Variants in GRIK2 observed in about 807,000 individuals in gnomAD.
GRIK2 encodes glutamate ionotropic receptor kainate type subunit 2.
GRIK2 carries 32 observed loss-of-function variants against 100.3 expected under a neutral mutation model. The observed-to-expected ratio is 0.32, with a 90% CI of 0.24 to 0.43. The LOEUF is 0.43. Among genes scored for constraint, GRIK2 ranks in the 20% least tolerant of loss-of-function variants. GRIK2 has a pLI of 1.00. For synonymous variants in GRIK2, 417 were observed against 389.4 expected, an observed-to-expected ratio of 1.07 and a Z score of -0.83; for missense variants, 843 against 1,114.9, an observed-to-expected ratio of 0.76 and a Z score of 3.47.
intron 14 of GRIK2, among the ~76,000 whole-genome samples, chr6:101,936,796 G>A (rs1292763506): frequency 1.3e-5 from 2 of 152,164 alleles, no homozygotes; most frequent in African/African-American, 4.8e-5. Flanking sequence ...GAAAGCATAT[G>A]AGTCAAAGAC....
At chr6:101,475,757 C>T (rs1031342593) in intron 2 of GRIK2, among the ~76,000 whole-genome samples, 3 of 151,904 alleles carry the variant, frequency 2.0e-5, no homozygotes, top group Admixed American at 2.0e-4. Flanking sequence ...AAAGTTTATA[C>T]AGCCTCAGAA....
At chr6:101,949,941 C>A (rs1791510575) in intron 14 of GRIK2, among the ~76,000 whole-genome samples, 1 of 152,126 alleles carries the variant, frequency 6.6e-6, no homozygotes, top group Non-Finnish European at 1.5e-5. Flanking sequence ...ACACTGTCTT[C>A]ATCTTTTTGA....
At chr6:101,741,329 C>A (rs978462121) in intron 7 of GRIK2, among the ~76,000 whole-genome samples, 6 of 152,122 alleles carry the variant, frequency 3.9e-5, no homozygotes, top group African/African-American at 1.4e-4. Context: ...TGTTGAAATC[C>A]AGATACACTT....
intron 7 of GRIK2, among the ~76,000 whole-genome samples, chr6:101,727,016 T>C (rs1774917453): frequency 6.6e-6 from 1 of 152,098 alleles, no homozygotes; most frequent in Non-Finnish European, 1.5e-5. Context: ...TGCCCTAACT[T>C]GCATTTTTCT....
At chr6:102,004,852 C>G (rs1357364068) in intron 14 of GRIK2, among the ~76,000 whole-genome samples, 1 of 151,676 alleles carries the variant, frequency 6.6e-6, no homozygotes, top group Non-Finnish European at 1.5e-5. Context: ...CCACCTTTCT[C>G]CAGTGCATTT....
At chr6:101,629,252 G>A (rs1780599713) in intron 4 of GRIK2, among the ~76,000 whole-genome samples, 3 of 152,096 alleles carry the variant, frequency 2.0e-5, no homozygotes, top group African/African-American at 7.2e-5. Context: ...TATTTGAAAA[G>A]TCTGATTAGT....
chr6:101,770,757 A>G (rs1432153635), intron 7 of GRIK2, among the ~76,000 whole-genome samples: 1 of 152,160 alleles, frequency 6.6e-6, no homozygotes, highest in Non-Finnish European at 1.5e-5. Context: ...ATTATTCCTG[A>G]ACCTGCATAG....
At chr6:102,045,462 T>A (rs999604251) in intron 15 of GRIK2, among the ~76,000 whole-genome samples, 1 of 152,092 alleles carries the variant, frequency 6.6e-6, no homozygotes, top group African/African-American at 2.4e-5. Flanking sequence ...ATCCATTTTG[T>A]TCATTTCTTC....
chr6:101,816,785 C>G (rs1011094102), intron 9 of GRIK2, among the ~76,000 whole-genome samples: 8 of 152,086 alleles, frequency 5.3e-5, no homozygotes, highest in African/African-American at 1.9e-4. Context: ...CTCCATCCTT[C>G]CCTACCCAGG....
chr6:101,978,851 C>T (rs1793553317), intron 14 of GRIK2, among the ~76,000 whole-genome samples: 2 of 151,878 alleles, frequency 1.3e-5, no homozygotes, highest in Non-Finnish European at 2.9e-5. Flanking sequence ...TATTTTGCAG[C>T]ATAAGCTGCT....
intron 12 of GRIK2, among the ~76,000 whole-genome samples, chr6:101,909,384 T>TTGTTTTTG (rs1554284540): frequency 2.2e-5 from 3 of 138,528 alleles, no homozygotes; most frequent in Non-Finnish European, 3.2e-5. Flanking sequence ...TTCTTTTTCT[T>TTGTTTTTG]TTTTTTTTTT....
intron 15 of GRIK2, among the ~76,000 whole-genome samples, chr6:102,042,692 A>G (rs1770654970): frequency 6.6e-6 from 1 of 151,770 alleles, no homozygotes; most frequent in Non-Finnish European, 1.5e-5. Flanking sequence ...AGATTTGGAA[A>G]AAAGCATAAT....
intron 14 of GRIK2, among the ~76,000 whole-genome samples, chr6:101,933,888 A>G (rs1256054083): frequency 6.6e-6 from 1 of 151,960 alleles, no homozygotes; most frequent in Non-Finnish European, 1.5e-5. Flanking sequence ...TAGGAATGAA[A>G]AGCAAGTGGG....
chr6:101,925,602 GTAAA>G (rs1789835976), intron 13 of GRIK2, among the ~76,000 whole-genome samples: 1 of 149,900 alleles, frequency 6.7e-6, no homozygotes, highest in East Asian at 2.0e-4. Context: ...TTTAAAATTA[GTAAA>G]TAAAGCAAAA....
intron 2 of GRIK2, among the ~76,000 whole-genome samples, chr6:101,590,534 T>C (rs528226072): frequency 7.0e-4 from 106 of 152,140 alleles, no homozygotes; most frequent in African/African-American, 2.5e-3. Flanking sequence ...AGAAGGCAGC[T>C]TTCTATATAC....
intron 4 of GRIK2, among the ~76,000 whole-genome samples, chr6:101,662,905 T>C (rs1769734327): frequency 6.6e-6 from 1 of 152,178 alleles, no homozygotes; most frequent in Admixed American, 6.5e-5. Flanking sequence ...TGTGCTGTCA[T>C]GTATTCCTGA....
In GRIK2 at chr6:101,450,384, C is replaced by T. The variant is rs190338464; in HGVS notation, c.115+50992C>T. On this transcript the variant is annotated intron_variant, in intron 2 of 16. Transcript: ENST00000369134. ...TACTATGTTATTGTAGCATTGATCT[C>T]TTTGTTACTAAGTTATTGAATCTTT... Among the ~76,000 whole-genome samples, 741 of 151,668 alleles carry T rather than the reference C, an allele frequency of 4.9e-3. 10 individuals are homozygous for T. The highest frequency in any genetic ancestry group is 8.2e-3 in the Non-Finnish European group (555 of 67,712).
chr6:101,573,458 C>T (rs758094779), intron 2 of GRIK2, among the ~76,000 whole-genome samples: 1 of 152,112 alleles, frequency 6.6e-6, no homozygotes, highest in Non-Finnish European at 1.5e-5. Context: ...ATACACATTC[C>T]TCTTTAATTA....
At chr6:101,987,883 C>CT (rs1378244463) in intron 14 of GRIK2, among the ~76,000 whole-genome samples, 1 of 151,428 alleles carries the variant, frequency 6.6e-6, no homozygotes, top group African/African-American at 2.4e-5. Flanking sequence ...ATTAATTTCT[C>CT]TTTTTTCCTG....
Sources: gnomAD v4.1 joint callset for allele counts (sites outside exome capture counted in the v4.1 genomes callset) on GRCh38, gnomAD v4.1.1 for gene constraint, MANE v1.5 for transcripts, NCBI Gene and HGNC (gene_info 2026-07-23, HGNC 2026-07-21) for gene names.